Variants in UVRAG observed in about 807,000 individuals in gnomAD.
The protein encoded by UVRAG is UV radiation resistance associated, also known as UV radiation resistance-associated gene protein.
Under a neutral mutation model 78.0 loss-of-function variants are expected in UVRAG, and 19 were observed. The ratio of observed to expected loss-of-function variants is 0.24; its 90% CI spans 0.17 to 0.36. The LOEUF is 0.36. Ranked by LOEUF, UVRAG falls within the 10% of genes least tolerant of loss-of-function variation. The pLI, the probability that UVRAG is intolerant of heterozygous loss-of-function variation, is 1.00. For synonymous variants in UVRAG, 323 were observed against 324.6 expected (o/e 1.00, Z 0.05); for missense variants, 740 against 853.8 (o/e 0.87, Z 1.66).
intron 12 of UVRAG, among the ~76,000 whole-genome samples, chr11:76,018,633 T>G (rs1950189834): frequency 6.6e-6 from 1 of 152,208 alleles, no homozygotes; most frequent in Admixed American, 6.5e-5. Context: ...GGTCTCAATC[T>G]CTTGACCTCA....
chr11:75,877,808 G>A (rs967707822), intron 3 of UVRAG, among the ~76,000 whole-genome samples: 14 of 142,208 alleles, frequency 9.8e-5, no homozygotes, highest in Non-Finnish European at 1.7e-4. Flanking sequence ...CAGTAGGGGC[G>A]GCTGGGCAGA....
intron 12 of UVRAG, among the ~76,000 whole-genome samples, chr11:76,050,419 A>G (rs986379419): frequency 6.6e-6 from 1 of 152,210 alleles, no homozygotes; most frequent in Non-Finnish European, 1.5e-5. Context: ...ATTTGCAGAT[A>G]TTTGTTGAAT....
intron 6 of UVRAG, among the ~76,000 whole-genome samples, chr11:75,938,020 G>C (rs1470306456): frequency 6.6e-6 from 1 of 151,472 alleles, no homozygotes; most frequent in Non-Finnish European, 1.5e-5. Flanking sequence ...TGTTTTTCTT[G>C]TAATAACTAA....
chr11:75,828,796 TATA>T (rs1285300725), intron 1 of UVRAG, among the ~76,000 whole-genome samples: 16 of 98,036 alleles, frequency 1.6e-4, no homozygotes, highest in Non-Finnish European at 2.1e-4. Context: ...TATATATATA[TATA>T]TATATATTTT....
At chr11:75,887,827 G>A (rs1448538467) in intron 4 of UVRAG, among the ~76,000 whole-genome samples, 2 of 151,284 alleles carry the variant, frequency 1.3e-5, no homozygotes, top group African/African-American at 2.4e-5. Context: ...CAAGTGATCC[G>A]CCCGCTTCGG....
At chr11:76,082,552 A>AC (rs1048427976) in intron 13 of UVRAG, among the ~76,000 whole-genome samples, 6 of 151,480 alleles carry the variant, frequency 4.0e-5, no homozygotes, top group Admixed American at 1.3e-4. Flanking sequence ...AAAAAAAAAA[A>AC]AAAAAAACAT....
chr11:75,954,974 C>T (rs1948767177), intron 6 of UVRAG, among the ~76,000 whole-genome samples: 1 of 152,118 alleles, frequency 6.6e-6, no homozygotes, highest in African/African-American at 2.4e-5. Context: ...CTTGTAGGCA[C>T]ATAGAACAAC....
chr11:76,054,000 C>A (rs1200865645), intron 12 of UVRAG, among the ~76,000 whole-genome samples: 1 of 151,256 alleles, frequency 6.6e-6, no homozygotes, highest in African/African-American at 2.4e-5. Flanking sequence ...ATTATCCTCT[C>A]ATTTTCCTTA....
At chr11:76,026,154 T>G (rs980699343) in intron 12 of UVRAG, among the ~76,000 whole-genome samples, 4 of 152,136 alleles carry the variant, frequency 2.6e-5, no homozygotes, top group African/African-American at 9.7e-5. Flanking sequence ...ACCTTGAGCT[T>G]TATTTGTATA....
intron 8 of UVRAG, among the ~76,000 whole-genome samples, chr11:75,999,946 G>T (rs1209907401): frequency 6.6e-6 from 1 of 152,092 alleles, no homozygotes; most frequent in Non-Finnish European, 1.5e-5. Flanking sequence ...TTCGGATAAG[G>T]TATGCTCAAC....
At chr11:75,932,869 G>A (rs1467534033) in intron 6 of UVRAG, among the ~76,000 whole-genome samples, 1 of 152,088 alleles carries the variant, frequency 6.6e-6, no homozygotes, top group Admixed American at 6.5e-5. Context: ...CACAAAAATG[G>A]AAAGATATTC....
At chr11:75,911,106 G>A (rs1947726453) in intron 5 of UVRAG, 1 of 153,588 alleles carries the variant, frequency 6.5e-6, no homozygotes. Flanking sequence ...TTAAAAACAA[G>A]ATATTTTCAA....
At chr11:76,076,054 A>G (rs1381652322) in intron 13 of UVRAG, among the ~76,000 whole-genome samples, 1 of 152,170 alleles carries the variant, frequency 6.6e-6, no homozygotes, top group Admixed American at 6.5e-5. Context: ...TGTTATGAAC[A>G]TTTGGGTACA....
chr11:75,920,592 C>T (rs968132410), intron 6 of UVRAG, among the ~76,000 whole-genome samples: 2 of 151,948 alleles, frequency 1.3e-5, no homozygotes, highest in African/African-American at 4.8e-5. Context: ...AGCCCTTTTC[C>T]CCCATTCCGC....
intron 9 of UVRAG, among the ~76,000 whole-genome samples, chr11:76,005,579 C>A (rs1159508525): frequency 5.9e-5 from 9 of 152,164 alleles, no homozygotes; most frequent in Admixed American, 5.9e-4. Context: ...CTCCAGCAGA[C>A]CCTCACTGTA....
intron 7 of UVRAG, among the ~76,000 whole-genome samples, chr11:75,977,188 T>A (rs1157057966): frequency 2.0e-5 from 3 of 152,120 alleles, no homozygotes; most frequent in African/African-American, 7.2e-5. Context: ...TTTGAGTGAG[T>A]TTCTTAATCC....
At chr11:76,041,731 C>T (rs1950651671) in intron 12 of UVRAG, among the ~76,000 whole-genome samples, 2 of 152,184 alleles carry the variant, frequency 1.3e-5, no homozygotes, top group Admixed American at 1.3e-4. Context: ...ATACTTCCAG[C>T]TTAGCCAGGT....
At chr11:76,083,485 C>T (rs770288051) in intron 13 of UVRAG, among the ~76,000 whole-genome samples, 9 of 152,054 alleles carry the variant, frequency 5.9e-5, no homozygotes, top group Non-Finnish European at 7.4e-5. Flanking sequence ...TAATAGTAAA[C>T]GAGCTTTTGG....
At chr11:75,922,606 A>G (rs1255108426) in intron 6 of UVRAG, among the ~76,000 whole-genome samples, 16 of 152,132 alleles carry the variant, frequency 1.1e-4, no homozygotes, top group African/African-American at 2.4e-5. Flanking sequence ...TCCTTGTTCT[A>G]ATTGAAAAAG....
Sources: gnomAD v4.1 joint callset for allele counts (sites outside exome capture counted in the v4.1 genomes callset) on GRCh38, gnomAD v4.1.1 for gene constraint, MANE v1.5 for transcripts, NCBI Gene and HGNC (gene_info 2026-07-23, HGNC 2026-07-21) for gene names.